Variants in ROBO2 observed in about 807,000 individuals in gnomAD.
ROBO2 encodes roundabout guidance receptor 2, also known as roundabout homolog 2.
A neutral mutation model predicts 160.8 loss-of-function variants in ROBO2; 53 were observed. The ratio of observed to expected loss-of-function variants is 0.33; its 90% CI spans 0.26 to 0.41. ROBO2 has a LOEUF of 0.41. ROBO2 is among the 10% of genes least tolerant of loss of function. ROBO2 has a pLI of 1.00. For missense variants in ROBO2, 1,577 were observed against 1,722.4 expected, an observed-to-expected ratio of 0.92 and a Z score of 1.49; for synonymous variants, 664 against 611.7, an observed-to-expected ratio of 1.09 and a Z score of -1.26.
intron 2 of ROBO2, among the ~76,000 whole-genome samples, chr3:76,931,172 A>G (rs1373447824): frequency 6.6e-6 from 1 of 151,620 alleles, no homozygotes; most frequent in East Asian, 1.9e-4. Flanking sequence ...TGCCATCAGT[A>G]CTTGGGCCTT....
In ROBO2 at chr3:76,145,131, A is replaced by C. The variant is rs569844748; in HGVS notation, c.109+207529A>C. On this transcript the variant is annotated intron_variant, in intron 2 of 26. Coordinates refer to the ROBO2 transcript ENST00000487694. ...GAAAAAAAAAACGCTTTGAAATCAC[A>C]AGGTTTTTATTTGGAGAGTTGATGA... 3.3e-5 allele frequency among the ~76,000 whole-genome samples: 5 copies of C among 151,970 alleles called. No individual in the cohort carries two copies. In the South Asian group the frequency reaches 8.3e-4, roughly 25 times the overall value.
rs1201022585 is a variant in ROBO2 at position 75,957,297 on chromosome 3, T to A, written c.109+19695T>A. On this transcript the variant is annotated intron_variant, in intron 2 of 26. Coordinates refer to the ROBO2 transcript ENST00000487694. ...CACATTAGGTTTTCATTTGGTTTCT[T>A]TGTTCCTATTATTGAAATTCCTGTG... 2.6e-5 allele frequency among the ~76,000 whole-genome samples: 4 copies of A among 151,020 alleles called. No individual in the cohort carries two copies. The Admixed American group carries it at 2.7e-4, about 10-fold the overall frequency.
chr3:76,804,181 G>T (rs531628154), intron 2 of ROBO2, among the ~76,000 whole-genome samples: 1 of 152,312 alleles, frequency 6.6e-6, no homozygotes, highest in East Asian at 1.9e-4. Flanking sequence ...TAAGGGGTTT[G>T]CTGGCTAAAG....
chr3:77,283,577 A>G (rs1286911893), intron 2 of ROBO2, among the ~76,000 whole-genome samples: 1 of 152,198 alleles, frequency 6.6e-6, no homozygotes, highest in African/African-American at 2.4e-5. Flanking sequence ...ATATTTAAAT[A>G]TATAAATGAA....
rs1707857908 is a variant in ROBO2 at position 76,275,329 on chromosome 3, T to C, written c.109+337727T>C. Among the ~76,000 whole-genome samples the C allele has an allele frequency of 2.0e-5, 3 of 152,076 alleles. No homozygotes were observed. The South Asian group carries it at 6.2e-4, about 31-fold the overall frequency. On this transcript the variant is annotated intron_variant, in intron 2 of 26. Coordinates refer to the ROBO2 transcript ENST00000487694. ...TAAGTTTTAGGGTACATGGAGGAAA[T>C]TCCCTTAACTAATGAGAGCACCTGT...
intron 2 of ROBO2, among the ~76,000 whole-genome samples, chr3:77,307,827 G>A (rs926938471): frequency 6.6e-6 from 1 of 152,098 alleles, no homozygotes; most frequent in Admixed American, 6.6e-5. Context: ...TGGTTGCAGT[G>A]AGCTAAGATC....
intron 2 of ROBO2, among the ~76,000 whole-genome samples, chr3:76,406,058 A>G (rs1368095897): frequency 6.6e-6 from 1 of 151,800 alleles, no homozygotes; most frequent in Non-Finnish European, 1.5e-5. Context: ...TAAAAATTAC[A>G]TAAACCAAGA....
chr3:76,403,343 A>G (rs2077951040), intron 2 of ROBO2, among the ~76,000 whole-genome samples: 1 of 151,646 alleles, frequency 6.6e-6, no homozygotes, highest in Non-Finnish European at 1.5e-5. Flanking sequence ...TATCTGTCAT[A>G]CTTGAAACTT....
intron 1 of ROBO2, among the ~76,000 whole-genome samples, chr3:75,931,514 GCTAA>G (rs1272737051): frequency 1.3e-5 from 2 of 151,934 alleles, no homozygotes; most frequent in African/African-American, 4.8e-5. Flanking sequence ...ACTACACCTG[GCTAA>G]CTGTTTTATT....
chr3:76,654,905 A>G (rs1264879266), intron 2 of ROBO2, among the ~76,000 whole-genome samples: 2 of 128,262 alleles, frequency 1.6e-5, no homozygotes, highest in South Asian at 2.8e-4. Context: ...GTGTGTACAT[A>G]TGTGTGTGTA....
intron 5 of ROBO2, among the ~76,000 whole-genome samples, chr3:77,510,886 T>C (rs1214033738): frequency 5.9e-5 from 9 of 152,018 alleles, no homozygotes; most frequent in Non-Finnish European, 7.4e-5. Context: ...ATTTTCCTTC[T>C]TCCTCCGCCT....
intron 2 of ROBO2, among the ~76,000 whole-genome samples, chr3:77,229,034 A>G (rs944746753): frequency 6.6e-6 from 1 of 152,184 alleles, no homozygotes; most frequent in Non-Finnish European, 1.5e-5. Flanking sequence ...AACCAATGCA[A>G]TCAACCTCTC....
At chr3:75,928,861 CGTGTGTGTGTGTGTGTGT>C (rs60525375) in intron 1 of ROBO2, among the ~76,000 whole-genome samples, 3 of 109,016 alleles carry the variant, frequency 2.8e-5, no homozygotes, top group African/African-American at 1.1e-4. Context: ...CTGGATAAGA[CGTGTGTGTGTGTGTGTGT>C]GTGTGTGTGT....
chr3:77,592,796 C>T (rs996522820), intron 17 of ROBO2, among the ~76,000 whole-genome samples: 1 of 151,894 alleles, frequency 6.6e-6, no homozygotes. Context: ...GTGATCCACC[C>T]CCTCCTTGGC....
At chr3:77,503,254 G>A (rs981228840) in intron 5 of ROBO2, among the ~76,000 whole-genome samples, 17 of 151,420 alleles carry the variant, frequency 1.1e-4, no homozygotes, top group South Asian at 6.3e-4. Flanking sequence ...GGCCAGGCGC[G>A]GTGGCTCACG....
intron 2 of ROBO2, among the ~76,000 whole-genome samples, chr3:76,146,089 C>T (rs2071875921): frequency 1.3e-5 from 2 of 151,922 alleles, no homozygotes; most frequent in Admixed American, 6.6e-5. Flanking sequence ...TACATTTACA[C>T]TCTATTTGCT....
At chr3:75,993,856 G>A (rs2065645921) in intron 2 of ROBO2, among the ~76,000 whole-genome samples, 1 of 152,150 alleles carries the variant, frequency 6.6e-6, no homozygotes, top group Non-Finnish European at 1.5e-5. Context: ...TTTCTCATAT[G>A]TTCTTGCTCT....
At chr3:76,265,074 G>A (rs759010443) in intron 2 of ROBO2, among the ~76,000 whole-genome samples, 2 of 152,000 alleles carry the variant, frequency 1.3e-5, no homozygotes, top group Non-Finnish European at 2.9e-5. Context: ...AGTTGTTATG[G>A]CCTTACATCT....
At chr3:76,406,753 G>C (rs1232791417) in intron 2 of ROBO2, among the ~76,000 whole-genome samples, 1 of 151,908 alleles carries the variant, frequency 6.6e-6, no homozygotes, top group Non-Finnish European at 1.5e-5. Flanking sequence ...AGTGATTTGT[G>C]TGAAAATAGA....
Sources: allele counts gnomAD v4.1 joint callset (sites outside exome capture counted in the v4.1 genomes callset), GRCh38; gene constraint gnomAD v4.1.1; transcripts MANE v1.5; gene names NCBI Gene and HGNC (gene_info 2026-07-23, HGNC 2026-07-21).